EXD3: variants seen among roughly 807,000 people sequenced by gnomAD.
EXD3 encodes the protein exonuclease mut-7 homolog.
Under a neutral mutation model 98.0 loss-of-function variants are expected in EXD3, and 92 were observed. The ratio of observed to expected loss-of-function variants is 0.94; its 90% CI spans 0.79 to 1.12. The LOEUF is 1.12. EXD3 is among the 50% of genes most tolerant of loss of function. The pLI is 0.00. For missense variants in EXD3, 1,222 were observed against 1,191.6 expected (o/e 1.03, Z -0.38); for synonymous variants, 569 against 526.0 (o/e 1.08, Z -1.12).
rs1311452745 is a variant in EXD3, at chr9:137,405,469, C to T, written c.-47-10065G>A. 2.0e-5 allele frequency among the ~76,000 whole-genome samples: 3 copies of T among 152,232 alleles called. No homozygotes were observed. Among genetic ancestry groups the T allele is most frequent in the Admixed American group, 6.5e-5 (1 of 15,288 alleles). On this transcript the variant is annotated intron_variant, in intron 1 of 21. Coordinates refer to ENST00000340951, the MANE Select transcript of EXD3 (RefSeq NM_017820.5). The surrounding 1 kb of genome is among the most constrained non-coding windows in gnomAD (Gnocchi z 4.1). Reference sequence around the variant, plus strand: ...CGCGGACGGAGCCCAGGGCGGCCGTCGCAGGCCACTCACCCGTCCCCAGCC... The same window carrying T: ...CGCGGACGGAGCCCAGGGCGGCCGTTGCAGGCCACTCACCCGTCCCCAGCC...
intron 17 of EXD3, among the ~76,000 whole-genome samples, chr9:137,331,204 T>C (rs1332785489): frequency 2.0e-5 from 3 of 152,168 alleles, no homozygotes; most frequent in Non-Finnish European, 4.4e-5. Flanking sequence ...AAATCTAGCA[T>C]TGTTTTACGA....
chr9:137,413,969 T>A (rs1588442867), intron 1 of EXD3, among the ~76,000 whole-genome samples: 1 of 149,130 alleles, frequency 6.7e-6, no homozygotes, highest in Non-Finnish European at 1.5e-5. Flanking sequence ...CAGGCTGGAG[T>A]GCAGTGGTGC....
chr9:137,324,104 GC>G lies in EXD3; in HGVS notation c.2037del (p.Gln680SerfsTer22). On this transcript the variant is annotated frameshift_variant, in exon 18 of 22. Coordinates refer to ENST00000340951, the MANE Select transcript of EXD3 (RefSeq NM_017820.5). LOFTEE classifies it high-confidence loss of function. The surrounding 1 kb of genome is among the most constrained non-coding windows in gnomAD (Gnocchi z 4.1). ...GGGACACTCACCTTGTGGAATGGCTGCCCCGACGTCAGAATGATCCTCCCCT... is the reference window on the plus strand; with the variant it reads ...GGGACACTCACCTTGTGGAATGGCTGCCCGACGTCAGAATGATCCTCCCCT... ...RQEGRIILTS[G>X]QPFHKLRAQV... is the part of the protein sequence containing the mutation. 6.3e-7 allele frequency: 1 copy of G among 1,588,484 alleles called. No individual in the cohort carries two copies. Among genetic ancestry groups the G allele is most frequent in the Non-Finnish European group, 8.6e-7 (1 of 1,168,232 alleles).
rs1834339697 is a variant in EXD3 at position 137,352,146 on chromosome 9, G to A, written c.1093C>T (p.Gln365Ter). Residue 365 changes from glutamine to a stop codon, truncating the protein, a stop_gained, in exon 12 of 22, where the codon CAG (glutamine) becomes TAG (stop). Coordinates refer to ENST00000340951, the MANE Select transcript of EXD3 (RefSeq NM_017820.5). LOFTEE classifies it high-confidence loss of function. ...ACGTTCTCCCTGGGGATGGGCAGCT[G>A]GTAGTAACGGTCCTTCATGTCCTTC... ...EVKDMKDRYY[Q>*]LPIPRENVHL... 6.2e-7 allele frequency: 1 copy of A among 1,612,772 alleles called. No homozygotes were observed. The highest frequency in any genetic ancestry group is 1.3e-5 in the African/African-American group (1 of 74,952).
intron 17 of EXD3, among the ~76,000 whole-genome samples, chr9:137,326,808 AAC>A (rs1385922867): frequency 1.3e-5 from 2 of 152,204 alleles, no homozygotes; most frequent in African/African-American, 4.8e-5. Flanking sequence ...CAAGAAGTTA[AAC>A]ACAGAGTCAG....
chr9:137,395,274 A>T lies in EXD3; in HGVS notation c.55+29T>A, dbSNP rs1281984148. On this transcript the variant is annotated intron_variant, in intron 2 of 21. Transcript: ENST00000340951. This position sits in a 1 kb window ranked among gnomAD's most constrained non-coding sequence, Gnocchi z 6.5. The stretch of plus-strand genomic sequence containing the variant: ...CGCACCTCCCCCCACAGCCCCAGGG[A>T]GACTCGGCACCATCAGGCTCAGACT... 16 of 1,419,932 alleles carry T rather than the reference A, an allele frequency of 1.1e-5. No individual in the cohort carries two copies. Among genetic ancestry groups the T allele is most frequent in the Non-Finnish European group, 1.6e-5 (16 of 1,009,416 alleles). The allele number at this position is 1,419,932 out of a possible 1,614,324, so 88.0% of individuals were successfully genotyped here.
chr9:137,416,841 G>T (rs989498376), intron 1 of EXD3, among the ~76,000 whole-genome samples: 2 of 152,200 alleles, frequency 1.3e-5, no homozygotes, highest in Non-Finnish European at 2.9e-5. Context: ...GCCCCGGGCA[G>T]GAGCCGCTCC....
intron 1 of EXD3, among the ~76,000 whole-genome samples, chr9:137,402,415 G>C (rs1389399310): frequency 6.6e-6 from 1 of 152,164 alleles, no homozygotes; most frequent in Non-Finnish European, 1.5e-5. Context: ...CAAGGTCAAA[G>C]TTCCATAAAT....
chr9:137,356,397 TTG>T, intron 7 of EXD3, 29 bp from the exon 8 acceptor site: 3 of 1,404,686 alleles, frequency 2.1e-6, no homozygotes, highest in Non-Finnish European at 3.0e-6. Context: ...ACAGCCTCTG[TTG>T]CTGTTTTAAG....
chr9:137,399,725 T>G lies in EXD3; in HGVS notation c.-47-4321A>C, dbSNP rs374369709. ...AATCATGGTGGGAGGCGAAAGGCGCTTCTTACATGGTGGTGGCAAGAGAAA... is the reference window on the plus strand; with the variant it reads ...AATCATGGTGGGAGGCGAAAGGCGCGTCTTACATGGTGGTGGCAAGAGAAA... On this transcript the variant is annotated intron_variant, in intron 1 of 21. Transcript: ENST00000340951. 1.4e-4 allele frequency among the ~76,000 whole-genome samples: 22 copies of G among 152,260 alleles called. No homozygotes were observed. In the East Asian group the frequency reaches 2.3e-3, roughly 16 times the overall value.
Position 137,348,089 on chromosome 9 carries a change from GTC to G in EXD3, c.1978_1979del (p.Asp660ProfsTer71). 6.2e-7 allele frequency: 1 copy of G among 1,611,564 alleles called. No homozygotes were observed. Among genetic ancestry groups the G allele is most frequent in the Non-Finnish European group, 8.5e-7 (1 of 1,179,672 alleles). On this transcript the variant is annotated frameshift_variant, in exon 17 of 22. Coordinates refer to ENST00000340951, the MANE Select transcript of EXD3 (RefSeq NM_017820.5). LOFTEE classifies it high-confidence loss of function. Reference protein sequence around the residue: ...VDARMLGNGEDHRRAAEVARQ... With the variant: ...VDARMLGNGEXHRRAAEVARQ... ...AACTCACCTCGGCCGCCCTGCGGTG[GTC>G]TTCACCATTGCCCAGCATGCGTGCA...
Position 137,391,276 on chromosome 9 carries a change from C to A in EXD3, c.55+4027G>T, listed in dbSNP as rs140831782. Among the ~76,000 whole-genome samples, 1,155 of 152,344 alleles carry A rather than the reference C, an allele frequency of 7.6e-3. 25 individuals carry two copies. Among genetic ancestry groups the A allele is most frequent in the African/African-American group, 0.026 (1,082 of 41,576 alleles). ...TTCGTAGGAAAAGTGGCCTCTCCTG[C>A]GGGCCCTGCCCTGTTCACCGCCGTG... On this transcript the variant is annotated intron_variant, in intron 2 of 21. Coordinates refer to ENST00000340951, the MANE Select transcript of EXD3 (RefSeq NM_017820.5).
intron 2 of EXD3, among the ~76,000 whole-genome samples, chr9:137,388,343 C>A (rs1040855383): frequency 6.6e-6 from 1 of 152,052 alleles, no homozygotes; most frequent in African/African-American, 2.4e-5. Context: ...GACACCCCCG[C>A]GCCGGCCGAC....
chr9:137,405,555 T>C lies in EXD3; in HGVS notation c.-47-10151A>G, dbSNP rs1837676650. 6.6e-6 allele frequency among the ~76,000 whole-genome samples: 1 copy of C among 152,216 alleles called. No individual in the cohort carries two copies. Among genetic ancestry groups the C allele is most frequent in the South Asian group, 2.1e-4 (1 of 4,834 alleles). On this transcript the variant is annotated intron_variant, in intron 1 of 21. Coordinates refer to ENST00000340951, the MANE Select transcript of EXD3 (RefSeq NM_017820.5). This position sits in a 1 kb window ranked among gnomAD's most constrained non-coding sequence, Gnocchi z 4.1. ...TCTCAACAATAAACTTTACGTCTCA[T>C]GGTTCAAGAAATGCCAGGCTCTGGG...
chr9:137,381,415 CAAAAAAAA>C (rs61183889), intron 3 of EXD3, among the ~76,000 whole-genome samples: 2 of 50,848 alleles, frequency 3.9e-5, no homozygotes, highest in African/African-American at 1.3e-4. Flanking sequence ...GACTCCTTCT[CAAAAAAAA>C]AAAAAAAAAA....
At chr9:137,311,033 C>G (rs1325473073) in intron 19 of EXD3, among the ~76,000 whole-genome samples, 1 of 152,228 alleles carries the variant, frequency 6.6e-6, no homozygotes, top group Non-Finnish European at 1.5e-5. Context: ...GCCCCACACG[C>G]TGTCTTCCCC....
chr9:137,372,266 G>A (rs947596730), intron 5 of EXD3, among the ~76,000 whole-genome samples: 10 of 152,236 alleles, frequency 6.6e-5, no homozygotes, highest in African/African-American at 1.4e-4. Context: ...CGACTGTGCC[G>A]AGGTGCGACT....
At chr9:137,370,616 A>AG (rs1835540079) in intron 5 of EXD3, among the ~76,000 whole-genome samples, 1 of 150,972 alleles carries the variant, frequency 6.6e-6, no homozygotes, top group Non-Finnish European at 1.5e-5. Flanking sequence ...AAAAAAAAAA[A>AG]AAAAGAAAAT....
Position 137,335,451 on chromosome 9 carries a change from C to T in EXD3, c.1999-11308G>A, listed in dbSNP as rs534066767. Among the ~76,000 whole-genome samples, 324 of 152,194 alleles carry T rather than the reference C, an allele frequency of 2.1e-3. 1 individual carries two copies. The highest frequency in any genetic ancestry group is 3.4e-3 in the Non-Finnish European group (234 of 68,000). Reference sequence around the variant, plus strand: ...ATCCCAGCACTTTGGGAGGCCAAGGCGGGCGGATCACGAGGTCAGGAGTTC... The same window carrying T: ...ATCCCAGCACTTTGGGAGGCCAAGGTGGGCGGATCACGAGGTCAGGAGTTC... On this transcript the variant is annotated intron_variant, in intron 17 of 21. Transcript: ENST00000340951.
Sources: gnomAD v4.1 joint callset for allele counts (sites outside exome capture counted in the v4.1 genomes callset) on GRCh38, gnomAD v4.1.1 for gene constraint, Gnocchi (gnomAD v3.1) non-coding constraint, MANE v1.5 for transcripts, NCBI Gene and HGNC (gene_info 2026-07-23, HGNC 2026-07-21) for gene names.